Variants in CDC42SE2 observed in about 807,000 individuals in gnomAD.
The protein encoded by CDC42SE2 is CDC42 small effector protein 2.
CDC42SE2 carries 3 observed loss-of-function variants against 11.5 expected under a neutral mutation model. The observed-to-expected ratio is 0.26, with a 90% CI of 0.12 to 0.67. CDC42SE2 has a LOEUF of 0.67. Among genes scored for constraint, CDC42SE2 ranks in the 30% least tolerant of loss-of-function variants. The pLI, the probability that CDC42SE2 is intolerant of heterozygous loss-of-function variation, is 0.80. For synonymous variants in CDC42SE2, 33 were observed against 34.8 expected (o/e 0.95, Z 0.18); for missense variants, 82 against 106.8 (o/e 0.77, Z 1.02).
chr5:131,289,080 C>T (rs1274305227), intron 1 of CDC42SE2, among the ~76,000 whole-genome samples: 1 of 152,020 alleles, frequency 6.6e-6, no homozygotes, highest in Admixed American at 6.6e-5. Flanking sequence ...TGTTTTTCAT[C>T]ATAAGTTTAA....
intron 1 of CDC42SE2, among the ~76,000 whole-genome samples, chr5:131,309,582 CT>C (rs1757856375): frequency 8.9e-4 from 130 of 145,864 alleles, no homozygotes; most frequent in South Asian, 2.0e-3. Flanking sequence ...GTCCTGGACT[CT>C]TTTTGTTTGG....
chr5:131,266,954 C>CTTT (rs34496996), intron 1 of CDC42SE2, among the ~76,000 whole-genome samples: 5 of 69,544 alleles, frequency 7.2e-5, no homozygotes, highest in East Asian at 4.7e-4. Flanking sequence ...AAGTGTTTGG[C>CTTT]TTTTTTTTTT....
chr5:131,343,123 T>G (rs1041673585), intron 2 of CDC42SE2, among the ~76,000 whole-genome samples: 5 of 152,076 alleles, frequency 3.3e-5, no homozygotes, highest in African/African-American at 1.2e-4. Flanking sequence ...TATGCATTGC[T>G]TGATAAACAG....
chr5:131,313,827 A>T (rs1475614025), intron 1 of CDC42SE2, among the ~76,000 whole-genome samples: 1 of 151,984 alleles, frequency 6.6e-6, no homozygotes, highest in Non-Finnish European at 1.5e-5. Flanking sequence ...TTATTTAATT[A>T]ATTTATTTTA....
At position 131,318,821 on chromosome 5, in the gene CDC42SE2, G is replaced by A. The variant is rs192354884; in HGVS notation, c.-286+2677G>A. Among the ~76,000 whole-genome samples the A allele has an allele frequency of 4.6e-5, 7 of 152,250 alleles. No homozygotes were observed. In the East Asian group the frequency reaches 1.2e-3, roughly 25 times the overall value. On this transcript the variant is annotated intron_variant, in intron 2 of 4. Coordinates refer to ENST00000505065, the MANE Select transcript of CDC42SE2 (RefSeq NM_001375635.1). Reference sequence around the variant, plus strand: ...TACATCTGCATAATGAGAACTCAAGGGACTTAATAAAACTTGAATTGTGAG... The same window carrying A: ...TACATCTGCATAATGAGAACTCAAGAGACTTAATAAAACTTGAATTGTGAG...
chr5:131,271,877 G>T (rs1216179696), intron 1 of CDC42SE2, among the ~76,000 whole-genome samples: 2 of 152,116 alleles, frequency 1.3e-5, no homozygotes, highest in African/African-American at 4.8e-5. Context: ...TTCTCCATCT[G>T]TTCCAGCATA....
chr5:131,340,869 G>A (rs895144558), intron 2 of CDC42SE2, among the ~76,000 whole-genome samples: 8 of 151,960 alleles, frequency 5.3e-5, no homozygotes, highest in Non-Finnish European at 1.2e-4. Flanking sequence ...GTAGAGTCGG[G>A]TTTGACCATG....
chr5:131,359,602 G>A, intron 3 of CDC42SE2, 55 bp downstream of exon 3: 2 of 1,309,290 alleles, frequency 1.5e-6, no homozygotes, highest in South Asian at 1.2e-5. Context: ...ACTTTCCACT[G>A]GTTCTCAAAC....
At chr5:131,306,876 A>T (rs1561578726) in intron 1 of CDC42SE2, among the ~76,000 whole-genome samples, 1 of 151,736 alleles carries the variant, frequency 6.6e-6, no homozygotes, top group East Asian at 1.9e-4. Flanking sequence ...TGATTTCTTA[A>T]TTTTTTTTCC....
chr5:131,235,619 G>A, the CDC42SE2 span, among the ~76,000 whole-genome samples: 1 of 146,526 alleles, frequency 6.8e-6, no homozygotes, highest in African/African-American at 2.5e-5. Flanking sequence ...TTTTTAGACA[G>A]AGTCTCACTG....
chr5:131,342,743 C>T (rs55773458), intron 2 of CDC42SE2, among the ~76,000 whole-genome samples: 2,614 of 151,150 alleles, frequency 0.017, 77 homozygotes, highest in African/African-American at 0.06. Flanking sequence ...GATAGATTCT[C>T]GCTCTATTAC....
chr5:131,311,810 T>C (rs976909696), intron 1 of CDC42SE2, among the ~76,000 whole-genome samples: 3 of 152,190 alleles, frequency 2.0e-5, no homozygotes, highest in Non-Finnish European at 2.9e-5. Context: ...CTTTAAGCAC[T>C]TCTCTGTATT....
the CDC42SE2 span, among the ~76,000 whole-genome samples, chr5:131,229,669 C>A: frequency 6.6e-6 from 1 of 152,198 alleles, no homozygotes; most frequent in Non-Finnish European, 1.5e-5. Context: ...CATAGTGGTT[C>A]ATGCCTATAA....
chr5:131,288,116 G>A (rs891312447), intron 1 of CDC42SE2, among the ~76,000 whole-genome samples: 10 of 151,764 alleles, frequency 6.6e-5, no homozygotes, highest in African/African-American at 2.4e-4. Flanking sequence ...TTGGCATGGT[G>A]GTCCCAGCTA....
intron 2 of CDC42SE2, among the ~76,000 whole-genome samples, chr5:131,332,231 C>T (rs810077): frequency 6.6e-6 from 1 of 151,998 alleles, no homozygotes; most frequent in Non-Finnish European, 1.5e-5. Flanking sequence ...GGTTTTTTGT[C>T]CTTGCGATAG....
rs1749639839 is a variant in CDC42SE2 at position 131,359,219 on chromosome 5, A to G, written c.-275A>G. On this transcript the variant is annotated 5_prime_UTR_variant, in exon 3 of 5. Transcript: ENST00000505065. The stretch of plus-strand genomic sequence containing the variant: ...CTTTTTTTTCCCTAGACTATCTGTT[A>G]TAGTCCCTGGGTCAAGACAACAATT... 2.2e-6 allele frequency: 1 copy of G among 448,346 alleles called. No homozygotes were observed. Among genetic ancestry groups the G allele is most frequent in the Non-Finnish European group, 4.0e-6 (1 of 251,596 alleles). The allele number at this position is 448,346 out of a possible 1,614,324, so 27.8% of individuals were successfully genotyped here.
intron 2 of CDC42SE2, among the ~76,000 whole-genome samples, chr5:131,320,054 GAAAA>G (rs763857152): frequency 6.7e-4 from 42 of 62,790 alleles, no homozygotes; most frequent in African/African-American, 6.8e-4. Context: ...CCGTCTTAAA[GAAAA>G]AAAAAAAAAA....
chr5:131,355,179 T>G (rs1000364325), intron 2 of CDC42SE2, among the ~76,000 whole-genome samples: 1 of 152,198 alleles, frequency 6.6e-6, no homozygotes, highest in Admixed American at 6.5e-5. Context: ...CTCTTTATAA[T>G]ATATACTGTA....
intron 3 of CDC42SE2, among the ~76,000 whole-genome samples, chr5:131,382,236 T>G (rs552171121): frequency 6.6e-6 from 1 of 152,244 alleles, no homozygotes; most frequent in Non-Finnish European, 1.5e-5. Context: ...GGAACTAGTT[T>G]TGTTATCAGC....
Sources: allele counts gnomAD v4.1 joint callset (sites outside exome capture counted in the v4.1 genomes callset), GRCh38; gene constraint gnomAD v4.1.1; transcripts MANE v1.5; gene names NCBI Gene and HGNC (gene_info 2026-07-23, HGNC 2026-07-21).